Variants in GON4L observed in about 807,000 individuals in gnomAD.
GON4L encodes the protein GON-4-like protein.
In GON4L, 87 loss-of-function variants were observed where a neutral mutation model predicts 211.8. The observed-to-expected ratio is 0.41, with a 90% CI of 0.35 to 0.49. The LOEUF is 0.49. Ranked by LOEUF, GON4L falls within the 20% of genes least tolerant of loss-of-function variation. The pLI, the probability that GON4L is intolerant of heterozygous loss-of-function variation, is 0.15. For synonymous variants in GON4L, 875 were observed against 962.6 expected (o/e 0.91, Z 1.68); for missense variants, 2,155 against 2,659.5 (o/e 0.81, Z 4.17).
chr1:155,766,092 G>C lies in GON4L; in HGVS notation c.3381C>G (p.Ala1127=). The C allele has an allele frequency of 1.9e-6, 3 of 1,614,122 alleles. No individual in the cohort carries two copies. Among genetic ancestry groups the C allele is most frequent in the East Asian group, 4.5e-5 (2 of 44,880 alleles). The change falls in exon 21 of 32, where the codon GCC becomes GCG. Residue 1127 remains alanine (A), a synonymous_variant. Transcript: ENST00000368331. ...CAGGGGCAGGTTTCATACAGGGAGA[G>C]GCCTTGACTCCTCTTCTCTTTGAGG... ...RRPSKRRGVK[A]SPCMKPAPVI...
intron 11 of GON4L, among the ~76,000 whole-genome samples, chr1:155,800,060 C>T (rs1156580802): frequency 6.6e-6 from 1 of 152,004 alleles, no homozygotes; most frequent in East Asian, 1.9e-4. Context: ...ATTAGCCAGG[C>T]GTGGTGGCAC....
Position 155,762,333 on chromosome 1 carries a change from G to T in GON4L, c.4768C>A (p.Arg1590=). 4 of 1,613,508 alleles carry T rather than the reference G, an allele frequency of 2.5e-6. No homozygotes were observed. The highest frequency in any genetic ancestry group is 3.4e-6 in the Non-Finnish European group (4 of 1,179,514). The change falls in exon 23 of 32, where the codon CGA becomes AGA. Residue 1590 remains arginine (R), a synonymous_variant. Transcript: ENST00000368331. ...CGACTTCCCCGCTTGTTGCGAGCTCGATGATTGTTCCGGCCTTTTCCAGCA... is the reference window on the plus strand; with the variant it reads ...CGACTTCCCCGCTTGTTGCGAGCTCTATGATTGTTCCGGCCTTTTCCAGCA... ...KAAGKGRNNH[R]ARNKRGSRAR...
At chr1:155,771,582 C>T (rs147381757) in intron 18 of GON4L, among the ~76,000 whole-genome samples, 394 of 152,276 alleles carry the variant, frequency 2.6e-3, no homozygotes, top group African/African-American at 9.2e-3. Flanking sequence ...AAGCGATTCC[C>T]GTACTTCATC....
intron 2 of GON4L, among the ~76,000 whole-genome samples, chr1:155,835,688 T>C (rs1459233868): frequency 1.3e-5 from 2 of 152,172 alleles, no homozygotes; most frequent in Non-Finnish European, 2.9e-5. Context: ...TGTCTTTGTA[T>C]ACATACAGCT....
intron 4 of GON4L, 143 bp downstream of exon 4, chr1:155,822,143 G>T: frequency 1.4e-6 from 1 of 740,072 alleles, no homozygotes; most frequent in Non-Finnish European, 2.4e-6. Context: ...TCTTAAATAT[G>T]TAAAAATGTA....
chr1:155,755,866 T>C (rs1471689515), intron 27 of GON4L, among the ~76,000 whole-genome samples: 2 of 151,146 alleles, frequency 1.3e-5, no homozygotes, highest in East Asian at 3.9e-4. Context: ...CAATTTATGA[T>C]GAAGAAACTG....
At chr1:155,828,526 G>T (rs548915004) in intron 2 of GON4L, among the ~76,000 whole-genome samples, 17 of 151,882 alleles carry the variant, frequency 1.1e-4, no homozygotes, top group African/African-American at 3.4e-4. Flanking sequence ...AAAAAAGAAT[G>T]CTGGGCACAG....
At chr1:155,787,105 G>T (rs1357499915) in intron 12 of GON4L, among the ~76,000 whole-genome samples, 1 of 143,134 alleles carries the variant, frequency 7.0e-6, no homozygotes, top group African/African-American at 2.5e-5. Flanking sequence ...GTATTTTTTA[G>T]TAGAGACGGG....
At chr1:155,768,559 C>T (rs1004745739) in intron 19 of GON4L, among the ~76,000 whole-genome samples, 1 of 141,144 alleles carries the variant, frequency 7.1e-6, no homozygotes, top group Non-Finnish European at 1.5e-5. Context: ...TGCAGTGAGC[C>T]GAGATCACAC....
chr1:155,781,142 T>C (rs553427106), intron 14 of GON4L, among the ~76,000 whole-genome samples: 2 of 151,446 alleles, frequency 1.3e-5, no homozygotes, highest in Admixed American at 6.6e-5. Context: ...ATTATTATTA[T>C]TACTATTATT....
intron 14 of GON4L, among the ~76,000 whole-genome samples, chr1:155,779,406 T>A (rs1664182882): frequency 1.3e-5 from 2 of 150,852 alleles, no homozygotes; most frequent in Admixed American, 1.3e-4. Context: ...AACCTCCGCC[T>A]CCCAGGTTCA....
At chr1:155,856,399 TTTTC>T (rs1311886773) in intron 1 of GON4L, among the ~76,000 whole-genome samples, 7 of 149,470 alleles carry the variant, frequency 4.7e-5, no homozygotes, top group Non-Finnish European at 7.4e-5. Context: ...CAACGACTTT[TTTTC>T]TTTTTTTTTT....
chr1:155,777,687 T>C lies in GON4L; in HGVS notation c.2026A>G (p.Lys676Glu). 1 of 1,613,848 alleles carries C rather than the reference T, an allele frequency of 6.2e-7. No individual in the cohort carries two copies. Among genetic ancestry groups the C allele is most frequent in the Non-Finnish European group, 8.5e-7 (1 of 1,179,742 alleles). ...TCCAGAATCAGAGTCTGATGAACTT[T>C]CTCACTCTGGGGTTTAACCTTCTCT... Reference protein sequence around the residue: ...EVEKVKPQSEKVHQTLILDPA... With the variant: ...EVEKVKPQSEEVHQTLILDPA... Residue 676 changes from lysine to glutamate, a missense_variant, in exon 15 of 32, where the codon AAA becomes GAA. Transcript: ENST00000368331.
intron 2 of GON4L, among the ~76,000 whole-genome samples, chr1:155,838,630 C>T (rs911143462): frequency 6.6e-6 from 1 of 151,936 alleles, no homozygotes; most frequent in African/African-American, 2.4e-5. Context: ...CAAAAATTAG[C>T]CAGGCGTGGT....
intron 5 of GON4L, 40 bp from the exon 6 acceptor site, chr1:155,820,696 T>C: frequency 6.7e-7 from 1 of 1,485,726 alleles, no homozygotes; most frequent in Non-Finnish European, 9.4e-7. Flanking sequence ...TCAATAAAAA[T>C]CACAGCTCAG....
At chr1:155,764,823 C>A in intron 21 of GON4L, 177 bp downstream of exon 21, 1 of 1,480,522 alleles carries the variant, frequency 6.8e-7, no homozygotes, top group Admixed American at 1.7e-5. Flanking sequence ...AGTAAAATTT[C>A]ATCCTTTCCA....
chr1:155,799,060 T>C (rs769311696), intron 11 of GON4L, among the ~76,000 whole-genome samples: 45 of 152,224 alleles, frequency 3.0e-4, no homozygotes, highest in African/African-American at 1.0e-3. Context: ...TTAACTCAAC[T>C]GGTAGATCTG....
At chr1:155,837,596 A>G (rs773216834) in intron 2 of GON4L, among the ~76,000 whole-genome samples, 1 of 151,714 alleles carries the variant, frequency 6.6e-6, no homozygotes, top group Non-Finnish European at 1.5e-5. Context: ...TCCATCAATG[A>G]GTGTTCTGGC....
At chr1:155,805,254 G>C in intron 10 of GON4L, 113 bp from the exon 11 acceptor site, 1 of 730,780 alleles carries the variant, frequency 1.4e-6, no homozygotes, top group Non-Finnish European at 2.5e-6. Context: ...TAAACAATTT[G>C]GATTTATTAT....
Sources: allele counts gnomAD v4.1 joint callset (sites outside exome capture counted in the v4.1 genomes callset), GRCh38; gene constraint gnomAD v4.1.1; transcripts MANE v1.5; gene names NCBI Gene and HGNC (gene_info 2026-07-23, HGNC 2026-07-21).